The following ITGAV variants were observed in gnomAD, a reference collection of about 807,000 sequenced individuals.
ITGAV encodes integrin subunit alpha V.
Under a neutral mutation model 143.8 loss-of-function variants are expected in ITGAV, and 76 were observed. The ratio of observed to expected loss-of-function variants is 0.53; its 90% confidence interval spans 0.44 to 0.64. The LOEUF is 0.64. Ranked by LOEUF, ITGAV falls within the 30% of genes least tolerant of loss-of-function variation. The pLI, the probability that ITGAV is intolerant of heterozygous loss-of-function variation, is 0.00. For missense variants in ITGAV, 1,193 were observed against 1,274.7 expected (o/e 0.94, Z 0.98); for synonymous variants, 453 against 446.7 (o/e 1.01, Z -0.18).
Position 186,590,240 on chromosome 2 carries a change from G to T in ITGAV, c.-99G>T. 1.9e-6 allele frequency: 2 copies of T among 1,073,988 alleles called. No homozygotes were observed. The highest frequency in any genetic ancestry group is 1.2e-6 in the Non-Finnish European group (1 of 812,108). The allele number at this position is 1,073,988 out of a possible 1,614,324, so 66.5% of individuals were successfully genotyped here. ...CGAGAAGAGAGCGGCCGGCAAGTTT[G>T]GGCGCGCGCAGGCGGCGGGCCGCGG... On this transcript the variant is annotated 5_prime_UTR_variant, in exon 1 of 30. Coordinates refer to ENST00000261023, the MANE Select transcript of ITGAV (RefSeq NM_002210.5).
intron 1 of ITGAV, among the ~76,000 whole-genome samples, chr2:186,597,824 T>C (rs1686786214): frequency 6.6e-6 from 1 of 152,192 alleles, no homozygotes; most frequent in South Asian, 2.1e-4. Context: ...GCAAGGGATC[T>C]AGGTTACATG....
chr2:186,644,748 A>C (rs2105716323), intron 12 of ITGAV, among the ~76,000 whole-genome samples: 1 of 152,300 alleles, frequency 6.6e-6, no homozygotes, highest in African/African-American at 2.4e-5. Context: ...CTAGGTGGTG[A>C]AAATGAGCAT....
chr2:186,621,138 G>A (rs16828115), intron 2 of ITGAV, among the ~76,000 whole-genome samples: 2 of 151,932 alleles, frequency 1.3e-5, no homozygotes, highest in African/African-American at 4.8e-5. Context: ...GTGTTAAAAG[G>A]GTAAGAAGGT....
chr2:186,639,622 A>G (rs1688048240), intron 10 of ITGAV, among the ~76,000 whole-genome samples: 1 of 152,146 alleles, frequency 6.6e-6, no homozygotes, highest in African/African-American at 2.4e-5. Context: ...GAGGAGTGGG[A>G]AGCGTGGCTT....
At chr2:186,676,118 C>T in intron 28 of ITGAV, 191 bp downstream of exon 28, 1 of 490,528 alleles carries the variant, frequency 2.0e-6, no homozygotes, top group Non-Finnish European at 3.6e-6. Flanking sequence ...AAAGCTAGAC[C>T]TTTTAGTTTA....
chr2:186,638,063 G>A (rs1028900955), intron 8 of ITGAV, among the ~76,000 whole-genome samples: 18 of 152,146 alleles, frequency 1.2e-4, no homozygotes, highest in African/African-American at 4.3e-4. Flanking sequence ...ATTTGCATAT[G>A]TTTGAGAGCC....
intron 2 of ITGAV, among the ~76,000 whole-genome samples, chr2:186,609,964 G>T (rs1297024721): frequency 6.6e-6 from 1 of 152,042 alleles, no homozygotes; most frequent in Non-Finnish European, 1.5e-5. Context: ...AAATCTTAAT[G>T]CATATAGAGT....
chr2:186,618,947 G>T (rs1687444924), intron 2 of ITGAV, among the ~76,000 whole-genome samples: 1 of 152,090 alleles, frequency 6.6e-6, no homozygotes, highest in Admixed American at 6.5e-5. Context: ...AGAGACATCT[G>T]TGTCCCCATA....
intron 1 of ITGAV, among the ~76,000 whole-genome samples, chr2:186,599,896 T>C (rs1157274784): frequency 6.6e-6 from 1 of 152,204 alleles, no homozygotes; most frequent in South Asian, 2.1e-4. Context: ...ATCTGTCACC[T>C]ATCTTTCCAC....
chr2:186,604,888 G>C (rs1301457179), intron 2 of ITGAV, among the ~76,000 whole-genome samples: 1 of 152,140 alleles, frequency 6.6e-6, no homozygotes, highest in Non-Finnish European at 1.5e-5. Flanking sequence ...AGCTGTGTTT[G>C]ACATTGAATC....
At chr2:186,656,431 G>T in intron 17 of ITGAV, 30 bp downstream of exon 17, 1 of 1,429,510 alleles carries the variant, frequency 7.0e-7, no homozygotes, top group Non-Finnish European at 9.2e-7. Context: ...CTACCTTGTT[G>T]TTCCTTTTTA....
At chr2:186,658,164 A>G (rs912088039) in intron 17 of ITGAV, among the ~76,000 whole-genome samples, 5 of 152,172 alleles carry the variant, frequency 3.3e-5, no homozygotes, top group Non-Finnish European at 7.4e-5. Flanking sequence ...GGTTAATATT[A>G]AGTCTAAAAA....
intron 1 of ITGAV, among the ~76,000 whole-genome samples, chr2:186,601,292 C>A (rs149685928): frequency 2.6e-5 from 4 of 151,226 alleles, no homozygotes; most frequent in Admixed American, 2.0e-4. Context: ...CCCACCCCTA[C>A]AGAAAATTTA....
intron 28 of ITGAV, among the ~76,000 whole-genome samples, 168 bp from the exon 29 acceptor site, chr2:186,676,645 T>C (rs769622507): frequency 1.4e-4 from 22 of 152,126 alleles, no homozygotes; most frequent in Non-Finnish European, 2.9e-4. Flanking sequence ...GGGAGTTTCA[T>C]GTGTGTATGT....
chr2:186,604,850 T>C (rs1248015366), intron 2 of ITGAV, among the ~76,000 whole-genome samples: 2 of 152,210 alleles, frequency 1.3e-5, no homozygotes, highest in Non-Finnish European at 2.9e-5. Flanking sequence ...TGGCACTCCA[T>C]CCTTTCAGTG....
At chr2:186,644,705 T>A (rs1377101492) in intron 12 of ITGAV, among the ~76,000 whole-genome samples, 2 of 152,124 alleles carry the variant, frequency 1.3e-5, no homozygotes, top group East Asian at 3.9e-4. Context: ...TAACAAATTC[T>A]TAGTTGGTGT....
chr2:186,663,666 A>G, intron 18 of ITGAV, 102 bp from the exon 19 acceptor site: 1 of 732,580 alleles, frequency 1.4e-6, no homozygotes, highest in Non-Finnish European at 2.3e-6. Context: ...GAAAATATAT[A>G]CATGTGTACA....
At chr2:186,599,747 C>T (rs950843827) in intron 1 of ITGAV, among the ~76,000 whole-genome samples, 4 of 152,236 alleles carry the variant, frequency 2.6e-5, no homozygotes, top group Non-Finnish European at 5.9e-5. Flanking sequence ...AGTACTTAAT[C>T]TGCCTTCTGC....
intron 4 of ITGAV, among the ~76,000 whole-genome samples, chr2:186,629,812 T>C (rs1687769398): frequency 6.6e-6 from 1 of 152,092 alleles, no homozygotes; most frequent in Non-Finnish European, 1.5e-5. Flanking sequence ...AACTGAAGGA[T>C]AGTGTTTTCC....
Sources: gnomAD v4.1 joint callset for allele counts (sites outside exome capture counted in the v4.1 genomes callset) on GRCh38, gnomAD v4.1.1 for gene constraint, MANE v1.5 for transcripts, NCBI Gene and HGNC (gene_info 2026-07-23, HGNC 2026-07-21) for gene names.